Variants in CDH17 observed in about 807,000 individuals in gnomAD.
CDH17 encodes cadherin-17.
Under a neutral mutation model 86.3 loss-of-function variants are expected in CDH17, and 67 were observed. The ratio of observed to expected loss-of-function variants is 0.78; its 90% CI spans 0.64 to 0.95. The LOEUF (loss-of-function observed/expected upper bound fraction) is 0.95. Ranked by LOEUF, CDH17 falls within the 40% of genes least tolerant of loss-of-function variation. The pLI, the probability that CDH17 is intolerant of heterozygous loss-of-function variation, is 0.00. For synonymous variants in CDH17, 367 were observed against 366.4 expected, an observed-to-expected ratio of 1.00 and a Z score of -0.02; for missense variants, 993 against 1,017.6, an observed-to-expected ratio of 0.98 and a Z score of 0.33.
intron 1 of CDH17, among the ~76,000 whole-genome samples, chr8:94,214,486 C>T (rs1586039481): frequency 6.6e-6 from 1 of 152,108 alleles, no homozygotes; most frequent in Admixed American, 6.6e-5. Flanking sequence ...TGACCTCACA[C>T]CATTCAGAAA....
rs561853268 is a variant in CDH17, at chr8:94,161,804, C to T, written c.1359+282G>A. The stretch of plus-strand genomic sequence containing the variant: ...CTGTAAGCCGCCATTCACCTTTTTT[C>T]AATTTGACAAAGATTGTGGTTGTTG... On this transcript the variant is annotated intron_variant, in intron 11 of 17. Coordinates refer to ENST00000027335, the MANE Select transcript of CDH17 (RefSeq NM_004063.4). 2.0e-3 allele frequency among the ~76,000 whole-genome samples: 311 copies of T among 152,204 alleles called. 2 individuals are homozygous for T. The highest frequency in any genetic ancestry group is 3.4e-3 in the Non-Finnish European group (234 of 67,998).
chr8:94,195,824 G>A (rs1024020423), intron 1 of CDH17, among the ~76,000 whole-genome samples: 7 of 150,974 alleles, frequency 4.6e-5, no homozygotes, highest in African/African-American at 9.8e-5. Flanking sequence ...GCAGTGGCAC[G>A]ATCTCAGCTT....
chr8:94,161,661 C>A (rs1481795433), intron 11 of CDH17, among the ~76,000 whole-genome samples: 1 of 152,018 alleles, frequency 6.6e-6, no homozygotes, highest in African/African-American at 2.4e-5. Context: ...TTTCTCTTAC[C>A]CAATTATTAC....
chr8:94,145,721 T>A (rs1812728212), intron 15 of CDH17, among the ~76,000 whole-genome samples: 1 of 152,182 alleles, frequency 6.6e-6, no homozygotes, highest in Admixed American at 6.5e-5. Context: ...ACCAAGAGAA[T>A]GCTGTGTGGT....
chr8:94,185,879 C>T (rs1334628654), intron 3 of CDH17, among the ~76,000 whole-genome samples: 2 of 152,096 alleles, frequency 1.3e-5, no homozygotes, highest in South Asian at 2.1e-4. Context: ...TGCCACAGTC[C>T]CCACTACTCC....
chr8:94,169,238 A>G (rs551587588), intron 9 of CDH17, among the ~76,000 whole-genome samples: 7 of 152,224 alleles, frequency 4.6e-5, no homozygotes, highest in African/African-American at 1.7e-4. Flanking sequence ...CTACTGTTAC[A>G]CTACTGTGAC....
intron 11 of CDH17, among the ~76,000 whole-genome samples, chr8:94,160,765 G>A (rs773598017): frequency 3.3e-5 from 5 of 152,136 alleles, no homozygotes; most frequent in Non-Finnish European, 7.4e-5. Flanking sequence ...TAAATTCTTG[G>A]CACATAGTAA....
At position 94,199,055 on chromosome 8, in the gene CDH17, ATATATATATATATATATATATATATATAT is replaced by A. The variant is rs1204219716; in HGVS notation, c.-20-4379_-20-4351del. ...TTCTGATTGATATATATATATATAT[ATATATATATATATATATATATATATATAT>A]TTTTTTTTTTTTATCATTTGTCTGT... is the stretch of plus-strand genomic sequence containing the variant. On this transcript the variant is annotated intron_variant, in intron 1 of 17. Coordinates refer to ENST00000027335, the MANE Select transcript of CDH17 (RefSeq NM_004063.4). Among the ~76,000 whole-genome samples, 12 of 21,002 alleles carry A rather than the reference ATATATATATATATATATATATATATATAT, an allele frequency of 5.7e-4. 1 individual carries two copies. Among genetic ancestry groups the A allele is most frequent in the African/African-American group, 2.2e-3 (10 of 4,530 alleles). The allele number at this position is 21,002 out of a possible 152,430, so 13.8% of individuals were successfully genotyped here. A position where few individuals can be genotyped will look rare whatever the true frequency, so the allele number is the denominator to read the frequency against.
chr8:94,201,204 C>T (rs1813905127), intron 1 of CDH17, among the ~76,000 whole-genome samples: 1 of 152,124 alleles, frequency 6.6e-6, no homozygotes, highest in Non-Finnish European at 1.5e-5. Flanking sequence ...TTTGTTTCTA[C>T]TGCAAATGTA....
rs567214657 is a variant in CDH17 at position 94,194,615 on chromosome 8, A to C, written c.51+20T>G. 6.5e-7 allele frequency: 1 copy of C among 1,540,646 alleles called. No individual in the cohort carries two copies. Among genetic ancestry groups the C allele is most frequent in the Non-Finnish European group, 9.0e-7 (1 of 1,116,070 alleles). ...AAATATTCTAGTAAACAAATAGAGAAGAACACCCTCTTCTCTTACCAAATA... is the reference window on the plus strand; with the variant it reads ...AAATATTCTAGTAAACAAATAGAGACGAACACCCTCTTCTCTTACCAAATA... On this transcript the variant is annotated intron_variant, in intron 2 of 17. Transcript: ENST00000027335.
intron 7 of CDH17, among the ~76,000 whole-genome samples, chr8:94,173,414 A>G (rs917210567): frequency 2.0e-5 from 3 of 152,154 alleles, no homozygotes; most frequent in African/African-American, 7.2e-5. Flanking sequence ...CATTGTCGTC[A>G]TATGATGCTC....
intron 1 of CDH17, among the ~76,000 whole-genome samples, chr8:94,206,468 C>T (rs1266985581): frequency 6.6e-6 from 1 of 152,168 alleles, no homozygotes; most frequent in Non-Finnish European, 1.5e-5. Flanking sequence ...TCTGTTCAAG[C>T]ACTGTTTGTC....
In CDH17 at chr8:94,189,405, G is replaced by A. The variant is rs901378164; in HGVS notation, c.52-120C>T. The A allele has an allele frequency of 8.7e-6, 6 of 688,528 alleles. No homozygotes were observed. In the African/African-American group the frequency reaches 9.0e-5, roughly 10 times the overall value. The allele number at this position is 688,528 out of a possible 1,614,324, so 42.7% of individuals were successfully genotyped here. A position where few individuals can be genotyped will look rare whatever the true frequency, so the allele number is the denominator to read the frequency against. The stretch of plus-strand genomic sequence containing the variant: ...TAGGATTCTATCATGGCTGAAATCT[G>A]ATCAAAACAGGAAAGAGTGTAATAG... On this transcript the variant is annotated intron_variant, in intron 2 of 17. Coordinates refer to ENST00000027335, the MANE Select transcript of CDH17 (RefSeq NM_004063.4).
At chr8:94,158,333 G>T (rs759662583) in intron 12 of CDH17, among the ~76,000 whole-genome samples, 4 of 152,144 alleles carry the variant, frequency 2.6e-5, no homozygotes, top group African/African-American at 2.4e-5. Context: ...GTCAAGTTGT[G>T]AGGGAGGATA....
At chr8:94,200,227 C>T (rs1304102249) in intron 1 of CDH17, among the ~76,000 whole-genome samples, 1 of 152,164 alleles carries the variant, frequency 6.6e-6, no homozygotes, top group Admixed American at 6.5e-5. Context: ...GTGGGGTACC[C>T]TGGGTCGCAA....
At chr8:94,205,914 G>T (rs184661173) in intron 1 of CDH17, among the ~76,000 whole-genome samples, 9 of 152,278 alleles carry the variant, frequency 5.9e-5, no homozygotes. Context: ...TGGCCTCTTG[G>T]TGAGGAAGAG....
intron 10 of CDH17, among the ~76,000 whole-genome samples, chr8:94,162,613 C>T (rs774044675): frequency 6.6e-6 from 1 of 152,212 alleles, no homozygotes; most frequent in Non-Finnish European, 1.5e-5. Flanking sequence ...GCTCTGACTA[C>T]TATGATGGTG....
At chr8:94,191,462 T>C (rs1184926920) in intron 2 of CDH17, among the ~76,000 whole-genome samples, 2 of 151,604 alleles carry the variant, frequency 1.3e-5, no homozygotes, top group African/African-American at 2.4e-5. Flanking sequence ...TTTTTTTTTT[T>C]TTTTTTGAGA....
At chr8:94,194,583 T>C (rs867079648) in intron 2 of CDH17, 52 bp downstream of exon 2, 14 of 1,209,488 alleles carry the variant, frequency 1.2e-5, no homozygotes, top group Non-Finnish European at 1.7e-5. Flanking sequence ...GGTAGAAAGA[T>C]AGCAGAAAAT....
Sources: gnomAD v4.1 joint callset for allele counts (sites outside exome capture counted in the v4.1 genomes callset) on GRCh38, gnomAD v4.1.1 for gene constraint, MANE v1.5 for transcripts, NCBI Gene and HGNC (gene_info 2026-07-23, HGNC 2026-07-21) for gene names.